CNBD1: variants seen among roughly 807,000 people sequenced by gnomAD.
The protein encoded by CNBD1 is cyclic nucleotide binding domain containing 1, also known as cyclic nucleotide-binding domain-containing protein 1.
In CNBD1, 71 loss-of-function variants were observed where a neutral mutation model predicts 54.4. The ratio of observed to expected loss-of-function variants is 1.30; its 90% CI spans 1.08 to 1.59. The LOEUF (loss-of-function observed/expected upper bound fraction) is 1.59, where lower values mean the gene tolerates loss of function less well. Ranked by LOEUF, CNBD1 falls within the 40% of genes most tolerant of loss-of-function variation. The probability of loss-of-function intolerance (pLI) is 0.00; values close to 1 mark genes in which losing one functional copy is unlikely to be tolerated. For missense variants in CNBD1, 659 were observed against 518.0 expected, an observed-to-expected ratio of 1.27 and a Z score of -2.64; for synonymous variants, 182 against 170.7, an observed-to-expected ratio of 1.07 and a Z score of -0.51.
chr8:87,006,258 G>C (rs1322617857), intron 4 of CNBD1, among the ~76,000 whole-genome samples: 1 of 152,058 alleles, frequency 6.6e-6, no homozygotes, highest in Non-Finnish European at 1.5e-5. Context: ...TGTCCCTTCA[G>C]CCCTTACTTT....
rs1808624834 is a variant in CNBD1, at chr8:86,882,858, A to T, written c.89-4684A>T. ...TGCAGCCATAAAAAAGAATAAGATTATGTCCTTCACAGGGACATGGATGGA... is the reference window on the plus strand; with the variant it reads ...TGCAGCCATAAAAAAGAATAAGATTTTGTCCTTCACAGGGACATGGATGGA... On this transcript the variant is annotated intron_variant, in intron 1 of 10. Coordinates refer to ENST00000518476, the MANE Select transcript of CNBD1 (RefSeq NM_173538.3). Among the ~76,000 whole-genome samples, 4 of 152,196 alleles carry T rather than the reference A, an allele frequency of 2.6e-5. No individual in the cohort carries two copies. The South Asian group carries it at 8.3e-4, about 32-fold the overall frequency.
At chr8:86,943,270 A>G (rs1807380121) in intron 4 of CNBD1, among the ~76,000 whole-genome samples, 1 of 147,666 alleles carries the variant, frequency 6.8e-6, no homozygotes, top group Admixed American at 7.0e-5. Context: ...AGTCCCAGCT[A>G]CTCGGGAGGC....
intron 8 of CNBD1, among the ~76,000 whole-genome samples, chr8:87,344,949 T>C (rs1478524180): frequency 1.3e-5 from 2 of 152,184 alleles, no homozygotes; most frequent in African/African-American, 4.8e-5. Flanking sequence ...TGACTAAATA[T>C]GATTACAGAA....
At chr8:87,177,392 A>G (rs191856121) in intron 4 of CNBD1, among the ~76,000 whole-genome samples, 192 of 152,338 alleles carry the variant, frequency 1.3e-3, no homozygotes, top group Non-Finnish European at 1.6e-3. Flanking sequence ...TTGTTCCAAT[A>G]TGGAAAAAAA....
intron 2 of CNBD1, among the ~76,000 whole-genome samples, chr8:86,902,341 A>C (rs1808951668): frequency 6.6e-6 from 1 of 152,122 alleles, no homozygotes; most frequent in Non-Finnish European, 1.5e-5. Flanking sequence ...AACATTTAAA[A>C]ATAAGTCATT....
At chr8:86,954,292 T>G (rs1407226000) in intron 4 of CNBD1, among the ~76,000 whole-genome samples, 1 of 152,238 alleles carries the variant, frequency 6.6e-6, no homozygotes, top group Non-Finnish European at 1.5e-5. Context: ...TTAATCAGTT[T>G]GACCATGAGC....
chr8:87,421,585 T>A (rs1807939314), intron 2 of CNBD1, among the ~76,000 whole-genome samples: 1 of 152,014 alleles, frequency 6.6e-6, no homozygotes, highest in African/African-American at 2.4e-5. Flanking sequence ...TTCATCCATG[T>A]CCCTACAAAG....
At chr8:86,961,689 C>T (rs1484426068) in intron 4 of CNBD1, among the ~76,000 whole-genome samples, 2 of 152,218 alleles carry the variant, frequency 1.3e-5, no homozygotes, top group African/African-American at 4.8e-5. Context: ...TGTCTTCTCC[C>T]TCCAGAGGCA....
At position 87,247,307 on chromosome 8, in the gene CNBD1, T is replaced by C. The variant is rs573637341; in HGVS notation, c.771+10195T>C. 2.6e-5 allele frequency among the ~76,000 whole-genome samples: 4 copies of C among 152,286 alleles called. No individual in the cohort carries two copies. The East Asian group carries it at 7.7e-4, about 29-fold the overall frequency. On this transcript the variant is annotated intron_variant, in intron 6 of 10. Coordinates refer to ENST00000518476, the MANE Select transcript of CNBD1 (RefSeq NM_173538.3). ...TTCCCAGTTAAGGGCTCTTTTCTGG[T>C]TTGGAAGTAATGCTCCAACTCTTTT...
chr8:87,376,527 A>G (rs1189743944), intron 10 of CNBD1, among the ~76,000 whole-genome samples: 2 of 151,950 alleles, frequency 1.3e-5, no homozygotes, highest in African/African-American at 4.8e-5. Context: ...CCTAAAAATA[A>G]TTATCTTCTG....
intron 4 of CNBD1, among the ~76,000 whole-genome samples, chr8:87,173,014 G>T (rs1006462435): frequency 7.3e-5 from 11 of 151,406 alleles, no homozygotes; most frequent in Non-Finnish European, 1.5e-4. Flanking sequence ...TTAATTTTTT[G>T]CCTTATATTT....
chr8:86,872,214 C>T (rs1808452472), intron 1 of CNBD1, among the ~76,000 whole-genome samples: 1 of 152,142 alleles, frequency 6.6e-6, no homozygotes, highest in Non-Finnish European at 1.5e-5. Flanking sequence ...ACCATATTGT[C>T]ATGCCTTAGC....
chr8:87,063,490 T>A (rs1810586184), intron 4 of CNBD1, among the ~76,000 whole-genome samples: 2 of 152,140 alleles, frequency 1.3e-5, no homozygotes, highest in South Asian at 4.1e-4. Flanking sequence ...TCTAGTTGTG[T>A]AGTTTTATGC....
chr8:87,229,917 GT>G (rs1814631355), intron 5 of CNBD1, among the ~76,000 whole-genome samples: 1 of 152,060 alleles, frequency 6.6e-6, no homozygotes. Context: ...GTATTAGTCC[GT>G]TTTCACGCTG....
chr8:87,075,322 G>A (rs999701410), intron 4 of CNBD1, among the ~76,000 whole-genome samples: 2 of 152,092 alleles, frequency 1.3e-5, no homozygotes, highest in Non-Finnish European at 2.9e-5. Context: ...TAGTCCCATA[G>A]ATAGATAGTT....
intron 3 of CNBD1, among the ~76,000 whole-genome samples, chr8:86,934,244 ATTATT>A (rs1294966878): frequency 6.6e-6 from 1 of 152,164 alleles, no homozygotes. Context: ...AAATTTTCAT[ATTATT>A]TTTAACAGCT....
At chr8:87,084,702 G>A (rs1020427455) in intron 4 of CNBD1, among the ~76,000 whole-genome samples, 3 of 150,152 alleles carry the variant, frequency 2.0e-5, no homozygotes, top group Non-Finnish European at 3.0e-5. Flanking sequence ...TTGAGATGGA[G>A]TTTCACTCTT....
intron 2 of CNBD1, among the ~76,000 whole-genome samples, chr8:87,403,875 G>A (rs1192827220): frequency 6.6e-6 from 1 of 151,910 alleles, no homozygotes; most frequent in Admixed American, 6.6e-5. Flanking sequence ...TATGATCAGG[G>A]TACCAGACCC....
chr8:86,982,173 T>A (rs778022760), intron 4 of CNBD1, among the ~76,000 whole-genome samples: 6 of 152,212 alleles, frequency 3.9e-5, no homozygotes, highest in Non-Finnish European at 8.8e-5. Context: ...GTTGAACATG[T>A]TTTATGGGCT....
Sources: gnomAD v4.1 joint callset for allele counts (sites outside exome capture counted in the v4.1 genomes callset) on GRCh38, gnomAD v4.1.1 for gene constraint, MANE v1.5 for transcripts, NCBI Gene and HGNC (gene_info 2026-07-23, HGNC 2026-07-21) for gene names.